Variants in CCND3 observed in about 807,000 individuals in gnomAD.
The protein encoded by CCND3 is G1/S-specific cyclin-D3.
In CCND3, 9 loss-of-function variants were observed where a neutral mutation model predicts 28.7. The observed-to-expected ratio is 0.31, with a 90% CI of 0.19 to 0.55. The LOEUF is 0.55. Ranked by LOEUF, CCND3 falls within the 20% of genes least tolerant of loss-of-function variation. CCND3 has a pLI of 0.93. For synonymous variants in CCND3, 164 were observed against 163.9 expected, an observed-to-expected ratio of 1.00 and a Z score of 0.00; for missense variants, 315 against 385.8, an observed-to-expected ratio of 0.82 and a Z score of 1.54.
intron 1 of CCND3, among the ~76,000 whole-genome samples, chr6:41,972,055 C>T (rs1256590318): frequency 6.7e-6 from 1 of 149,522 alleles, no homozygotes; most frequent in African/African-American, 2.4e-5. Flanking sequence ...GAAACCCCGT[C>T]TCTACTAAAA....
At chr6:42,027,811 A>G (rs1271884621) in intron 1 of CCND3, among the ~76,000 whole-genome samples, 1 of 151,712 alleles carries the variant, frequency 6.6e-6, no homozygotes, top group Non-Finnish European at 1.5e-5. Flanking sequence ...GCAATGGCTC[A>G]ATCTCAGCTC....
At chr6:42,041,148 G>A (rs1206197487) in intron 1 of CCND3, among the ~76,000 whole-genome samples, 1 of 152,182 alleles carries the variant, frequency 6.6e-6, no homozygotes, top group East Asian at 1.9e-4. Context: ...ATGACTTCTA[G>A]AACCTGTGTC....
At chr6:41,971,345 ACTCCTGGGCTCAAGTGATCCTCCCATC>A (rs1762027223) in intron 1 of CCND3, among the ~76,000 whole-genome samples, 1 of 150,150 alleles carries the variant, frequency 6.7e-6, no homozygotes, top group Non-Finnish European at 1.5e-5. Context: ...CTGGACTTGA[ACTCCTGGGCTCAAGTGATCCTCCCATC>A]CTCCCGCCTC....
intron 1 of CCND3, among the ~76,000 whole-genome samples, chr6:41,975,169 T>C (rs994834620): frequency 6.6e-5 from 10 of 152,294 alleles, no homozygotes; most frequent in Non-Finnish European, 1.2e-4. Flanking sequence ...TATACATACA[T>C]GATTGTCATA....
At chr6:42,041,330 T>C (rs755573916) in intron 1 of CCND3, among the ~76,000 whole-genome samples, 17 of 152,180 alleles carry the variant, frequency 1.1e-4, no homozygotes, top group Admixed American at 2.6e-4. Flanking sequence ...AAAAACTCAG[T>C]TGGGTCCTAG....
intron 1 of CCND3, among the ~76,000 whole-genome samples, chr6:42,043,630 C>T (rs1041246516): frequency 2.2e-4 from 33 of 150,882 alleles, no homozygotes; most frequent in Middle Eastern, 6.6e-3. Flanking sequence ...CCTGGGAAGT[C>T]GAGGCTGCAG....
At chr6:42,029,646 T>C (rs9381122) in intron 1 of CCND3, among the ~76,000 whole-genome samples, 32,041 of 151,684 alleles carry the variant, frequency 0.21, 3,632 homozygotes, top group East Asian at 0.52. Flanking sequence ...GAGACCAGCC[T>C]GACCAACTTG....
chr6:42,007,057 T>C (rs1437454178), intron 1 of CCND3, among the ~76,000 whole-genome samples: 1 of 152,148 alleles, frequency 6.6e-6, no homozygotes, highest in Non-Finnish European at 1.5e-5. Context: ...TTGCAGGGTA[T>C]GTTTAGTTTT....
rs116800207 is a variant in CCND3, at chr6:41,993,999, A to T, written c.-45-53414T>A. On this transcript the variant is annotated intron_variant, in intron 1 of 4. Coordinates refer to the CCND3 transcript ENST00000372988. ...CCATGAAAAGACATAGAGAAAACTTAAGTGGATATTACTTAGTGAAGAATG... is the reference window on the plus strand; with the variant it reads ...CCATGAAAAGACATAGAGAAAACTTTAGTGGATATTACTTAGTGAAGAATG... Among the ~76,000 whole-genome samples the T allele has an allele frequency of 3.6e-3, 536 of 149,734 alleles. 8 individuals carry two copies. Among genetic ancestry groups the T allele is most frequent in the African/African-American group, 0.012 (499 of 40,454 alleles).
chr6:41,971,554 T>C (rs1762031834), intron 1 of CCND3, among the ~76,000 whole-genome samples: 1 of 151,928 alleles, frequency 6.6e-6, no homozygotes, highest in Non-Finnish European at 1.5e-5. Flanking sequence ...CAGGTTCTTT[T>C]TTTTTTGAGA....
intron 1 of CCND3, among the ~76,000 whole-genome samples, chr6:41,966,971 T>C (rs1380161637): frequency 1.3e-5 from 2 of 152,128 alleles, no homozygotes; most frequent in Non-Finnish European, 2.9e-5. Flanking sequence ...CCATAATTAA[T>C]AATAATATAA....
At chr6:42,008,139 G>A (rs1421339407) in intron 1 of CCND3, among the ~76,000 whole-genome samples, 1 of 152,128 alleles carries the variant, frequency 6.6e-6, no homozygotes, top group African/African-American at 2.4e-5. Context: ...TCAGCACTTT[G>A]GGAGGTCGAG....
chr6:42,024,995 T>C (rs968715832), intron 1 of CCND3, among the ~76,000 whole-genome samples: 1 of 151,824 alleles, frequency 6.6e-6, no homozygotes, highest in African/African-American at 2.4e-5. Context: ...GAGGTGGAGG[T>C]TGCAGTGAGA....
chr6:42,010,199 G>A (rs11756584), intron 1 of CCND3, among the ~76,000 whole-genome samples: 50,388 of 151,930 alleles, frequency 0.33, 8,436 homozygotes, highest in Admixed American at 0.36. Context: ...GTAGTACCTG[G>A]GAGAGCCCTC....
At position 41,940,355 on chromosome 6, in the gene CCND3, G is replaced by A. The variant is rs777357082; in HGVS notation, c.414+15C>T. 6.3e-7 allele frequency: 1 copy of A among 1,599,340 alleles called. No individual in the cohort carries two copies. The highest frequency in any genetic ancestry group is 2.2e-5 in the East Asian group (1 of 44,804). On this transcript the variant is annotated intron_variant, in intron 2 of 4. Coordinates refer to ENST00000372991, the MANE Select transcript of CCND3 (RefSeq NM_001760.5). Reference sequence around the variant, plus strand: ...AGACAATACGTGTCGGGGGTGGGGGGAGTTACACACGCACCCGCAACTGGC... The same window carrying A: ...AGACAATACGTGTCGGGGGTGGGGGAAGTTACACACGCACCCGCAACTGGC...
chr6:41,940,902 T>C, intron 1 of CCND3: 1 of 1,528,622 alleles, frequency 6.5e-7, no homozygotes, highest in Non-Finnish European at 9.1e-7. Flanking sequence ...TCACCCATGG[T>C]AGCCAGAGAG....
intron 1 of CCND3, among the ~76,000 whole-genome samples, chr6:42,004,689 C>A (rs947869098): frequency 1.3e-5 from 2 of 152,084 alleles, no homozygotes; most frequent in African/African-American, 2.4e-5. Context: ...GAGACTGCAC[C>A]ACTGCACTCC....
chr6:41,991,278 C>G (rs557576491), intron 1 of CCND3, among the ~76,000 whole-genome samples: 2 of 152,144 alleles, frequency 1.3e-5, no homozygotes, highest in South Asian at 4.1e-4. Context: ...AGGCTGGTCT[C>G]AAACTCCTGA....
chr6:42,009,646 C>A (rs532465069), intron 1 of CCND3, among the ~76,000 whole-genome samples: 105 of 85,994 alleles, frequency 1.2e-3, no homozygotes, highest in African/African-American at 3.4e-3. Context: ...AAAACAAAAA[C>A]ACACAAAAAA....
Sources: gnomAD v4.1 joint callset for allele counts (sites outside exome capture counted in the v4.1 genomes callset) on GRCh38, gnomAD v4.1.1 for gene constraint, MANE v1.5 for transcripts, NCBI Gene and HGNC (gene_info 2026-07-23, HGNC 2026-07-21) for gene names.